Variants in PTPRD observed in about 807,000 individuals in gnomAD.
PTPRD encodes receptor-type tyrosine-protein phosphatase delta.
Under a neutral mutation model 214.5 loss-of-function variants are expected in PTPRD, and 34 were observed. The observed-to-expected ratio is 0.16, with a 90% CI of 0.12 to 0.21. The LOEUF is 0.21. Among genes scored for constraint, PTPRD ranks in the 10% least tolerant of loss-of-function variants. The pLI is 1.00. For missense variants in PTPRD, 2,545 were observed against 2,398.7 expected (o/e 1.06, Z -1.27); for synonymous variants, 1,128 against 845.7 (o/e 1.33, Z -5.79).
chr9:8,369,306 G>C (rs899365085), intron 39 of PTPRD, among the ~76,000 whole-genome samples: 1 of 152,008 alleles, frequency 6.6e-6, no homozygotes, highest in Non-Finnish European at 1.5e-5. Flanking sequence ...ACTTTGAAAA[G>C]GCCATTTTCA....
At chr9:9,564,025 T>C (rs2083649860) in intron 8 of PTPRD, among the ~76,000 whole-genome samples, 1 of 152,092 alleles carries the variant, frequency 6.6e-6, no homozygotes, top group Non-Finnish European at 1.5e-5. Flanking sequence ...TGGGTTGTTT[T>C]ATATTTACCA....
intron 3 of PTPRD, among the ~76,000 whole-genome samples, chr9:10,105,002 G>C (rs2098609489): frequency 6.6e-6 from 1 of 151,702 alleles, no homozygotes; most frequent in African/African-American, 2.4e-5. Flanking sequence ...GTATATCTGG[G>C]AAAAGACTCC....
At chr9:9,679,053 G>T (rs1322811777) in intron 7 of PTPRD, among the ~76,000 whole-genome samples, 1 of 150,674 alleles carries the variant, frequency 6.6e-6, no homozygotes, top group African/African-American at 2.4e-5. Flanking sequence ...TGTCTTTAAA[G>T]CTTATTAGGG....
intron 2 of PTPRD, among the ~76,000 whole-genome samples, chr9:10,457,483 A>C (rs1176133105): frequency 1.3e-5 from 2 of 152,032 alleles, no homozygotes; most frequent in Non-Finnish European, 2.9e-5. Context: ...TTAGTAGTGT[A>C]GCATTCCATT....
chr9:8,421,994 A>G (rs968096587), intron 35 of PTPRD, among the ~76,000 whole-genome samples: 1 of 151,660 alleles, frequency 6.6e-6, no homozygotes, highest in African/African-American at 2.4e-5. Flanking sequence ...CAAAAAATGA[A>G]AAGTTAGCCA....
At chr9:10,599,907 C>G (rs930418819) in intron 2 of PTPRD, among the ~76,000 whole-genome samples, 1 of 151,758 alleles carries the variant, frequency 6.6e-6, no homozygotes, top group Admixed American at 6.6e-5. Context: ...TGCTTAATCA[C>G]TGACTCAAAG....
At chr9:9,022,524 C>T (rs914315583) in intron 10 of PTPRD, among the ~76,000 whole-genome samples, 11 of 152,112 alleles carry the variant, frequency 7.2e-5, no homozygotes, top group African/African-American at 2.7e-4. Flanking sequence ...AGGTTTGTGG[C>T]TTAAGAACAA....
chr9:10,065,999 A>G (rs2097874170), intron 3 of PTPRD, among the ~76,000 whole-genome samples: 1 of 151,924 alleles, frequency 6.6e-6, no homozygotes, highest in Non-Finnish European at 1.5e-5. Flanking sequence ...AAATTTTATC[A>G]TTCACAAATG....
At chr9:10,278,378 C>A (rs1273609004) in intron 3 of PTPRD, among the ~76,000 whole-genome samples, 1 of 152,072 alleles carries the variant, frequency 6.6e-6, no homozygotes, top group Non-Finnish European at 1.5e-5. Flanking sequence ...GCTGTACAAA[C>A]AAAGTGGTTC....
chr9:10,483,022 C>T (rs2099110564), intron 2 of PTPRD, among the ~76,000 whole-genome samples: 1 of 152,152 alleles, frequency 6.6e-6, no homozygotes, highest in Non-Finnish European at 1.5e-5. Context: ...CATCGTATGA[C>T]TCAACTTCAA....
chr9:9,314,782 C>A (rs566555627), intron 9 of PTPRD, among the ~76,000 whole-genome samples: 1 of 152,136 alleles, frequency 6.6e-6, no homozygotes, highest in East Asian at 1.9e-4. Context: ...CAAAACGAAT[C>A]TAAAATATCT....
At chr9:8,645,781 C>T (rs1371761861) in intron 12 of PTPRD, among the ~76,000 whole-genome samples, 1 of 124,080 alleles carries the variant, frequency 8.1e-6, no homozygotes, top group Non-Finnish European at 1.7e-5. Flanking sequence ...TACCTTCCAG[C>T]ATCTCAAAAT....
chr9:9,825,183 G>T (rs1328222153), intron 5 of PTPRD, among the ~76,000 whole-genome samples: 1 of 151,268 alleles, frequency 6.6e-6, no homozygotes, highest in Non-Finnish European at 1.5e-5. Flanking sequence ...TCTTCTCAGT[G>T]GTAGAGTTCA....
chr9:9,406,871 T>A (rs1478959957), intron 8 of PTPRD, among the ~76,000 whole-genome samples: 1 of 150,868 alleles, frequency 6.6e-6, no homozygotes, highest in Non-Finnish European at 1.5e-5. Context: ...GATGAATGTG[T>A]CTTCCGTAGA....
At chr9:10,469,556 G>A (rs73392206) in intron 2 of PTPRD, among the ~76,000 whole-genome samples, 8,860 of 151,994 alleles carry the variant, frequency 0.058, 722 homozygotes, top group African/African-American at 0.18. Context: ...GAACACAGTC[G>A]GTGGCAATGT....
intron 11 of PTPRD, among the ~76,000 whole-genome samples, chr9:9,008,291 G>A (rs1455547194): frequency 3.3e-5 from 5 of 150,604 alleles, no homozygotes; most frequent in East Asian, 2.0e-4. Context: ...TCCAGTGGCC[G>A]ATCTTGGCTC....
rs1205868098 is a variant in PTPRD, at chr9:8,616,628, G to T, written c.352+16689C>A. 2.6e-5 allele frequency among the ~76,000 whole-genome samples: 4 copies of T among 152,048 alleles called. No individual in the cohort carries two copies. The South Asian group carries it at 8.3e-4, about 31-fold the overall frequency. ...CATTCACTATTTCTTATCAAAAAAAGATTGTGGTTTTTCTCTCATATCTGC... is the reference window on the plus strand; with the variant it reads ...CATTCACTATTTCTTATCAAAAAAATATTGTGGTTTTTCTCTCATATCTGC... On this transcript the variant is annotated intron_variant, in intron 14 of 45. Coordinates refer to ENST00000381196, the MANE Select transcript of PTPRD (RefSeq NM_002839.4).
At chr9:10,213,346 T>A (rs763714808) in intron 3 of PTPRD, among the ~76,000 whole-genome samples, 1 of 152,090 alleles carries the variant, frequency 6.6e-6, no homozygotes, top group Non-Finnish European at 1.5e-5. Context: ...AGGGAATGTT[T>A]CAGAGAGGAA....
chr9:8,690,245 T>C (rs1332234466), intron 12 of PTPRD, among the ~76,000 whole-genome samples: 2 of 151,986 alleles, frequency 1.3e-5, no homozygotes, highest in African/African-American at 4.8e-5. Flanking sequence ...TATTTAGATT[T>C]GGCCGGGTGC....
Sources: allele counts gnomAD v4.1 joint callset (sites outside exome capture counted in the v4.1 genomes callset), GRCh38; gene constraint gnomAD v4.1.1; transcripts MANE v1.5; gene names NCBI Gene and HGNC (gene_info 2026-07-23, HGNC 2026-07-21).